Variants in CRISPLD1 observed in about 807,000 individuals in gnomAD.
The protein encoded by CRISPLD1 is cysteine rich secretory protein LCCL domain containing 1.
In CRISPLD1, 60 loss-of-function variants were observed where a neutral mutation model predicts 77.5. That is an observed-to-expected ratio of 0.77 (90% confidence interval 0.63 to 0.96). CRISPLD1 has a LOEUF of 0.96. Among genes scored for constraint, CRISPLD1 ranks in the 40% least tolerant of loss-of-function variants. The pLI is 0.00. For missense variants in CRISPLD1, 623 were observed against 615.8 expected, an observed-to-expected ratio of 1.01 and a Z score of -0.12; for synonymous variants, 195 against 200.1, an observed-to-expected ratio of 0.97 and a Z score of 0.22.
intron 14 of CRISPLD1, among the ~76,000 whole-genome samples, chr8:75,031,451 A>G (rs1287015089): frequency 6.6e-6 from 1 of 152,104 alleles, no homozygotes; most frequent in Non-Finnish European, 1.5e-5. Context: ...TAAACAAAAC[A>G]TACCTTGATT....
intron 2 of CRISPLD1, among the ~76,000 whole-genome samples, chr8:74,991,385 G>A (rs1812571174): frequency 6.6e-6 from 1 of 152,088 alleles, no homozygotes; most frequent in African/African-American, 2.4e-5. Context: ...TGGTTGCTTA[G>A]TTGCACAAAA....
At chr8:75,024,163 A>G (rs1813192399) in intron 12 of CRISPLD1, among the ~76,000 whole-genome samples, 1 of 152,150 alleles carries the variant, frequency 6.6e-6, no homozygotes, top group Non-Finnish European at 1.5e-5. Context: ...AGGGTGAGAA[A>G]GTGGGAAAGG....
At chr8:75,028,889 T>C (rs192364475) in intron 13 of CRISPLD1, among the ~76,000 whole-genome samples, 1 of 152,264 alleles carries the variant, frequency 6.6e-6, no homozygotes, top group African/African-American at 2.4e-5. Context: ...GCCCCATTTC[T>C]TGTATTTTGG....
At chr8:75,009,932 G>A (rs1563397211) in intron 2 of CRISPLD1, among the ~76,000 whole-genome samples, 1 of 152,068 alleles carries the variant, frequency 6.6e-6, no homozygotes, top group Non-Finnish European at 1.5e-5. Flanking sequence ...AAATGGTAAA[G>A]TTAATTAATA....
At chr8:74,996,706 A>G (rs1000911156) in intron 2 of CRISPLD1, among the ~76,000 whole-genome samples, 4 of 145,768 alleles carry the variant, frequency 2.7e-5, no homozygotes, top group Non-Finnish European at 6.0e-5. Context: ...CATGAGCCAG[A>G]ATCTTTTTTT....
At chr8:75,032,158 A>G in intron 14 of CRISPLD1, 33 bp from the exon 15 acceptor site, 3 of 1,456,070 alleles carry the variant, frequency 2.1e-6, no homozygotes, top group Non-Finnish European at 2.9e-6. Context: ...AGATGACATC[A>G]ATATACTTTT....
chr8:75,033,466 A>T lies in CRISPLD1; in HGVS notation c.*1224A>T, dbSNP rs1352785613. Reference sequence around the variant, plus strand: ...TCGACCTGATTATTTAGGTATTTGTATGTGAAAGAGAAACACATATTTAGA... The same window carrying T: ...TCGACCTGATTATTTAGGTATTTGTTTGTGAAAGAGAAACACATATTTAGA... On this transcript the variant is annotated 3_prime_UTR_variant, in exon 15 of 15. Transcript: ENST00000262207. 1 of 152,016 alleles carries T rather than the reference A, an allele frequency of 6.6e-6. No individual in the cohort carries two copies. Among genetic ancestry groups the T allele is most frequent in the African/African-American group, 2.4e-5 (1 of 41,448 alleles). The allele number at this position is 152,016 out of a possible 1,614,324, so 9.4% of individuals were successfully genotyped here. A position where few individuals can be genotyped will look rare whatever the true frequency, so the allele number is the denominator to read the frequency against.
At chr8:74,996,295 G>A (rs2128781710) in intron 2 of CRISPLD1, among the ~76,000 whole-genome samples, 1 of 152,120 alleles carries the variant, frequency 6.6e-6, no homozygotes. Context: ...TTTTATAATT[G>A]ATTAAAGTGA....
At chr8:75,025,486 A>G (rs1394025375) in intron 12 of CRISPLD1, 60 bp from the exon 13 acceptor site, 2 of 657,870 alleles carry the variant, frequency 3.0e-6, no homozygotes, top group Non-Finnish European at 4.5e-6. Context: ...GGTTTTACTA[A>G]TAAGAAAGAC....
In CRISPLD1 at chr8:74,984,940, G is replaced by C. The variant is rs1812473282; in HGVS notation, c.-63+20G>C. On this transcript the variant is annotated intron_variant, in intron 1 of 14. Transcript: ENST00000262207. ...GGAGAGGTAAGGGCGATTCTAAAAT[G>C]CATCGCTGAGTCGTCAAGCTGCCAC... 6.6e-6 allele frequency: 1 copy of C among 151,962 alleles called. No individual in the cohort carries two copies. The highest frequency in any genetic ancestry group is 1.5e-5 in the Non-Finnish European group (1 of 68,084). The allele number at this position is 151,962 out of a possible 1,614,324, so 9.4% of individuals were successfully genotyped here.
At position 75,014,857 on chromosome 8, in the gene CRISPLD1, T is replaced by C. The variant is rs1813000606; in HGVS notation, c.672T>C (p.Cys224=). The change falls in exon 6 of 15, where the codon TGT becomes TGC. Residue 224 remains cysteine (C), a synonymous_variant. Transcript: ENST00000262207. The stretch of plus-strand genomic sequence containing the variant: ...CCCCTTACAAACATGGGCGGCCCTG[T>C]TCTGCTTGCCCACCTAGTTTTGGAG... ...GHAPYKHGRP[C]SACPPSFGGG... 3 of 1,583,670 alleles carry C rather than the reference T, an allele frequency of 1.9e-6. No individual in the cohort carries two copies. The South Asian group carries it at 3.5e-5, about 18-fold the overall frequency.
At chr8:74,997,909 GAA>G (rs771653704) in intron 2 of CRISPLD1, among the ~76,000 whole-genome samples, 17 of 152,200 alleles carry the variant, frequency 1.1e-4, no homozygotes, top group Non-Finnish European at 2.5e-4. Flanking sequence ...AAGCAGATAA[GAA>G]GAGAATGGGA....
intron 10 of CRISPLD1, 74 bp downstream of exon 10, chr8:75,017,524 G>A: frequency 1.6e-6 from 2 of 1,239,362 alleles, no homozygotes; most frequent in Non-Finnish European, 2.2e-6. Flanking sequence ...TTTTTTTAGA[G>A]CAAAGCATAG....
chr8:75,006,560 T>G (rs2128783687), intron 2 of CRISPLD1, among the ~76,000 whole-genome samples: 1 of 152,258 alleles, frequency 6.6e-6, no homozygotes, highest in African/African-American at 2.4e-5. Context: ...GCAATCCTAT[T>G]TCTTTATATA....
chr8:74,985,393 A>G (rs925735641), intron 1 of CRISPLD1, among the ~76,000 whole-genome samples: 5 of 152,172 alleles, frequency 3.3e-5, no homozygotes, highest in African/African-American at 9.7e-5. Context: ...GCATATATGA[A>G]TAGCCTTTTG....
chr8:75,030,700 G>A (rs1244980473), intron 14 of CRISPLD1, among the ~76,000 whole-genome samples: 1 of 150,754 alleles, frequency 6.6e-6, no homozygotes, highest in Non-Finnish European at 1.5e-5. Flanking sequence ...GTGTGTGTGT[G>A]TGTGTGTATA....
chr8:74,990,284 T>A (rs1353113347), intron 2 of CRISPLD1, among the ~76,000 whole-genome samples: 8 of 143,164 alleles, frequency 5.6e-5, no homozygotes, highest in East Asian at 4.0e-4. Context: ...TAAGTCTATT[T>A]AAAAAAAAAA....
chr8:74,985,819 ACAAAT>A (rs749628705), intron 1 of CRISPLD1, 102 bp from the exon 2 acceptor site: 68 of 747,528 alleles, frequency 9.1e-5, no homozygotes, highest in South Asian at 1.9e-5. Context: ...TGTTAAATAG[ACAAAT>A]CAAACTGGCA....
rs1327690283 is a variant in CRISPLD1 at position 74,986,203 on chromosome 8, A to T, written c.216A>T (p.Leu72Phe). 6.2e-7 allele frequency: 1 copy of T among 1,614,186 alleles called. No individual in the cohort carries two copies. The highest frequency in any genetic ancestry group is 1.1e-5 in the South Asian group (1 of 91,084). Residue 72 changes from leucine (L) to phenylalanine (F), a missense_variant, in exon 2 of 15, where the codon TTA (leucine) becomes TTT (phenylalanine). Transcript: ENST00000262207. ...MQSILDLHNK[L>F]RSQVYPTASN... ...GTATTTTGGACCTTCATAATAAATT[A>T]CGAAGTCAGGTGTATCCAACAGCCT...
Sources: gnomAD v4.1 joint callset for allele counts (sites outside exome capture counted in the v4.1 genomes callset) on GRCh38, gnomAD v4.1.1 for gene constraint, MANE v1.5 for transcripts, NCBI Gene and HGNC (gene_info 2026-07-23, HGNC 2026-07-21) for gene names.